GLB1L2: variants seen among roughly 807,000 people sequenced by gnomAD.
The protein encoded by GLB1L2 is beta-galactosidase-1-like protein 2.
GLB1L2 carries 68 observed loss-of-function variants against 84.1 expected under a neutral mutation model. The observed-to-expected ratio is 0.81, with a 90% CI of 0.67 to 0.99. GLB1L2 has a LOEUF of 0.99. GLB1L2 is among the 50% of genes least tolerant of loss of function. The pLI is 0.00. For missense variants in GLB1L2, 762 were observed against 805.6 expected (o/e 0.95, Z 0.66); for synonymous variants, 290 against 318.0 (o/e 0.91, Z 0.94).
chr11:134,336,477 T>C (rs1363532466), intron 1 of GLB1L2, among the ~76,000 whole-genome samples: 1 of 152,230 alleles, frequency 6.6e-6, no homozygotes, highest in Non-Finnish European at 1.5e-5. Flanking sequence ...TTAAACAGCC[T>C]TCTACTGATG....
chr11:134,371,908 C>A, intron 15 of GLB1L2, 78 bp downstream of exon 15: 3 of 1,413,716 alleles, frequency 2.1e-6, no homozygotes, highest in Non-Finnish European at 3.0e-6. Context: ...TGCTAGCAGG[C>A]CACCAGGCCA....
chr11:134,345,292 G>T (rs932974970), intron 4 of GLB1L2, among the ~76,000 whole-genome samples, 163 bp downstream of exon 4: 3 of 152,222 alleles, frequency 2.0e-5, no homozygotes, highest in Non-Finnish European at 4.4e-5. Context: ...AGAGGGGATC[G>T]CTTTCAGTGA....
At chr11:134,356,447 A>G (rs2136276830) in intron 6 of GLB1L2, 54 bp downstream of exon 6, 1 of 1,295,308 alleles carries the variant, frequency 7.7e-7, no homozygotes, top group Non-Finnish European at 1.1e-6. Context: ...AGTGTGCTAT[A>G]GGCTGTGGTG....
chr11:134,342,722 C>G (rs1244811154), intron 1 of GLB1L2, 32 bp from the exon 2 acceptor site: 2 of 1,603,274 alleles, frequency 1.2e-6, no homozygotes, highest in Admixed American at 3.4e-5. Context: ...GGCCCGGAGC[C>G]TCCAGGCTCC....
intron 1 of GLB1L2, among the ~76,000 whole-genome samples, chr11:134,335,184 A>G (rs1943364512): frequency 6.6e-6 from 1 of 151,506 alleles, no homozygotes; most frequent in South Asian, 2.1e-4. Context: ...AGATGTATCA[A>G]ACTCTTTCTC....
intron 16 of GLB1L2, 112 bp from the exon 17 acceptor site, chr11:134,374,033 G>T: frequency 1.2e-6 from 1 of 826,312 alleles, no homozygotes; most frequent in Admixed American, 2.0e-5. Flanking sequence ...TCCTGGTTAA[G>T]AGGCGGGGGG....
Position 134,332,092 on chromosome 11 carries a change from G to A in GLB1L2, c.31G>A (p.Ala11Thr), listed in dbSNP as rs1371127047. ...CACGTGGAGCCTCCGGCGGAGGCCG[G>A]CCCGCACGCTGGGACTCCTGCTGCT... MTTWSLRRRP[A>T]RTLGLLLLVV... The change falls in exon 1 of 19, where the codon GCC becomes ACC. Residue 11 changes from alanine to threonine, a missense_variant. Physicochemically the swap from Ala to Thr is moderately conservative, Grantham distance 58. Around this residue, in one of 3 missense-constraint regions of GLB1L2, gnomAD observed 100 missense variants for 88.8 expected, o/e 1.13. Transcript: ENST00000535456. 12 of 1,589,136 alleles carry A rather than the reference G, an allele frequency of 7.6e-6. No individual in the cohort carries two copies. The highest frequency in any genetic ancestry group is 3.5e-5 in the Admixed American group (2 of 57,224).
chr11:134,342,099 G>A (rs1339872027), intron 1 of GLB1L2, among the ~76,000 whole-genome samples: 1 of 152,098 alleles, frequency 6.6e-6, no homozygotes, highest in Non-Finnish European at 1.5e-5. Flanking sequence ...AGACCCACCC[G>A]GCAGCACCGA....
chr11:134,367,151 G>T, intron 8 of GLB1L2, 106 bp from the exon 9 acceptor site: 1 of 983,568 alleles, frequency 1.0e-6, no homozygotes, highest in South Asian at 1.4e-5. Context: ...TATGCAGACA[G>T]GGAAGAGTAG....
chr11:134,334,085 C>T lies in GLB1L2; in HGVS notation c.86+1938C>T, dbSNP rs1406206510. Among the ~76,000 whole-genome samples, 3 of 152,142 alleles carry T rather than the reference C, an allele frequency of 2.0e-5. No homozygotes were observed. The highest frequency in any genetic ancestry group is 2.9e-5 in the Non-Finnish European group (2 of 68,032). ...TCTCTGGAGGCAGGAGGAGAACATCCTCTTTGTCTTTCCCTCTTCCTGTCT... is the reference window on the plus strand; with the variant it reads ...TCTCTGGAGGCAGGAGGAGAACATCTTCTTTGTCTTTCCCTCTTCCTGTCT... On this transcript the variant is annotated intron_variant, in intron 1 of 18. Transcript: ENST00000535456. This position sits in a 1 kb window ranked among gnomAD's most constrained non-coding sequence, Gnocchi z 4.1.
rs767716584 is a variant in GLB1L2 at position 134,332,102 on chromosome 11, T to G, written c.41T>G (p.Leu14Arg). 5.0e-6 allele frequency: 8 copies of G among 1,591,180 alleles called. No homozygotes were observed. The highest frequency in any genetic ancestry group is 6.8e-6 in the Non-Finnish European group (8 of 1,170,788). The change falls in exon 1 of 19, where the codon CTG becomes CGG. Residue 14 changes from leucine (L) to arginine (R), a missense_variant. Physicochemically the swap from Leu to Arg is moderately radical, Grantham distance 102. Around this residue, in one of 3 missense-constraint regions of GLB1L2, gnomAD observed 100 missense variants for 88.8 expected, o/e 1.13. Transcript: ENST00000535456. ...WSLRRRPART[L>R]GLLLLVVLGF... ...CTCCGGCGGAGGCCGGCCCGCACGC[T>G]GGGACTCCTGCTGCTGGTCGTCTTG...
chr11:134,349,180 CA>C (rs1943592130), intron 5 of GLB1L2, among the ~76,000 whole-genome samples: 1 of 152,164 alleles, frequency 6.6e-6, no homozygotes, highest in Admixed American at 6.5e-5. Flanking sequence ...TTTTAGCTAC[CA>C]AATATAAGTG....
intron 8 of GLB1L2, among the ~76,000 whole-genome samples, chr11:134,366,418 A>G (rs1282192600): frequency 6.6e-6 from 1 of 152,178 alleles, no homozygotes; most frequent in Non-Finnish European, 1.5e-5. Flanking sequence ...GTTGCTGTGT[A>G]TGCGGTATCC....
intron 10 of GLB1L2, 83 bp from the exon 11 acceptor site, chr11:134,369,722 C>A: frequency 8.0e-7 from 1 of 1,253,166 alleles, no homozygotes; most frequent in Non-Finnish European, 1.1e-6. Context: ...ACCTGTGGCC[C>A]TTCCAAGCTT....
chr11:134,371,582 G>C (rs541274618), intron 14 of GLB1L2, 90 bp downstream of exon 14: 1 of 1,025,292 alleles, frequency 9.8e-7, no homozygotes, highest in African/African-American at 1.6e-5. Context: ...TGGGAGACCC[G>C]TGGCTCCTTA....
At chr11:134,350,692 A>G (rs1943615849) in intron 5 of GLB1L2, among the ~76,000 whole-genome samples, 1 of 152,298 alleles carries the variant, frequency 6.6e-6, no homozygotes, top group Admixed American at 6.5e-5. Context: ...GCAGCCTTCT[A>G]TTCCTCCATC....
At chr11:134,349,421 T>C (rs141654023) in intron 5 of GLB1L2, among the ~76,000 whole-genome samples, 475 of 152,370 alleles carry the variant, frequency 3.1e-3, no homozygotes, top group Non-Finnish European at 4.8e-3. Flanking sequence ...AATACCTTTC[T>C]GAGCCCCTGC....
intron 2 of GLB1L2, 41 bp downstream of exon 2, chr11:134,342,992 C>T: frequency 1.9e-6 from 3 of 1,574,304 alleles, no homozygotes; most frequent in Non-Finnish European, 1.7e-6. Context: ...GGTTCCTAAG[C>T]AGGGCGCCTG....
At chr11:134,348,084 C>T (rs972369897) in intron 5 of GLB1L2, among the ~76,000 whole-genome samples, 3 of 152,032 alleles carry the variant, frequency 2.0e-5, no homozygotes, top group African/African-American at 7.3e-5. Flanking sequence ...TGTGTAAAAC[C>T]AGAAAGAACG....
Sources: allele counts gnomAD v4.1 joint callset (sites outside exome capture counted in the v4.1 genomes callset), GRCh38; gene constraint gnomAD v4.1.1; regional missense constraint gnomAD v4.1.1; non-coding constraint Gnocchi (gnomAD v3.1); transcripts MANE v1.5; gene names NCBI Gene and HGNC (gene_info 2026-07-23, HGNC 2026-07-21).